The following OR1J2 variants were observed in gnomAD, a reference collection of about 807,000 sequenced individuals.
OR1J2 encodes olfactory receptor family 1 subfamily J member 2.
For synonymous variants in OR1J2, 142 were observed against 99.7 expected, an observed-to-expected ratio of 1.42 and a Z score of -2.52; for missense variants, 304 against 246.1, an observed-to-expected ratio of 1.24 and a Z score of -1.57.
chr9:122,547,692 C>T, the OR1J2 span, among the ~76,000 whole-genome samples: 1 of 150,134 alleles, frequency 6.7e-6, no homozygotes, highest in African/African-American at 2.5e-5. Context: ...TCCAGTCATT[C>T]GTTGATGAAC....
chr9:122,481,616 T>A, the OR1J2 span, among the ~76,000 whole-genome samples: 2 of 152,188 alleles, frequency 1.3e-5, no homozygotes, highest in South Asian at 4.1e-4. Flanking sequence ...AGGGGTCCAC[T>A]TTCAAAGTGA....
the OR1J2 span, among the ~76,000 whole-genome samples, chr9:122,555,654 G>A: frequency 2.0e-5 from 3 of 152,294 alleles, no homozygotes; most frequent in Admixed American, 2.0e-4. Context: ...GTAGAGGGTA[G>A]CAAGTTTGAA....
chr9:122,528,568 A>G, the OR1J2 span, among the ~76,000 whole-genome samples: 28 of 152,358 alleles, frequency 1.8e-4, no homozygotes, highest in African/African-American at 5.3e-4. Context: ...ATTGCACTCC[A>G]GCCTGGGCAA....
At chr9:122,477,220 T>C in the OR1J2 span, 2 of 1,614,126 alleles carry the variant, frequency 1.2e-6, no homozygotes, top group Non-Finnish European at 1.7e-6. Context: ...GGACAAGGCT[T>C]TGCATATGCC....
At chr9:122,474,776 A>C in the OR1J2 span, among the ~76,000 whole-genome samples, 3 of 152,224 alleles carry the variant, frequency 2.0e-5, no homozygotes, top group Non-Finnish European at 4.4e-5. Context: ...TTATCACTAG[A>C]CATTCTTCAG....
At chr9:122,557,725 A>G in the OR1J2 span, among the ~76,000 whole-genome samples, 3 of 152,074 alleles carry the variant, frequency 2.0e-5, no homozygotes, top group South Asian at 4.1e-4. Flanking sequence ...GCCTCATAGA[A>G]TGAGCTAAAA....
At chr9:122,477,185 C>T in the OR1J2 span, 3 of 1,614,142 alleles carry the variant, frequency 1.9e-6, no homozygotes, top group East Asian at 2.2e-5. Flanking sequence ...TAGATAGTCA[C>T]CACTGAGAGG....
the OR1J2 span, among the ~76,000 whole-genome samples, chr9:122,551,784 TA>T: frequency 0.012 from 1,829 of 152,236 alleles, 11 homozygotes; most frequent in Non-Finnish European, 0.019. Flanking sequence ...GATGGTGTTC[TA>T]GGAGCCTTTA....
chr9:122,533,921 G>C, the OR1J2 span, among the ~76,000 whole-genome samples: 10,142 of 152,254 alleles, frequency 0.067, 446 homozygotes, highest in South Asian at 0.22. Flanking sequence ...GAGAAGATCT[G>C]GGAAGGAGTC....
the OR1J2 span, among the ~76,000 whole-genome samples, chr9:122,525,590 T>G: frequency 6.6e-6 from 1 of 152,186 alleles, no homozygotes; most frequent in Admixed American, 6.5e-5. Flanking sequence ...GACGCAAACC[T>G]GCAGTCAAAT....
chr9:122,515,770 C>A (rs1828692071), downstream of OR1J2, among the ~76,000 whole-genome samples: 1 of 152,138 alleles, frequency 6.6e-6, no homozygotes, highest in South Asian at 2.1e-4. Flanking sequence ...GTCCTTTCTT[C>A]TTTTGTGTAG....
chr9:122,491,538 TA>T, the OR1J2 span, among the ~76,000 whole-genome samples: 3 of 151,780 alleles, frequency 2.0e-5, no homozygotes, highest in African/African-American at 7.3e-5. Flanking sequence ...AGCAGAGAAA[TA>T]AAGCCCCCAA....
At chr9:122,527,167 T>A in the OR1J2 span, 4 of 1,614,152 alleles carry the variant, frequency 2.5e-6, no homozygotes, top group Non-Finnish European at 3.4e-6. Flanking sequence ...GCCAGGATGA[T>A]GAGCAGGTTC....
the OR1J2 span, among the ~76,000 whole-genome samples, chr9:122,447,959 G>A: frequency 6.6e-6 from 1 of 152,150 alleles, no homozygotes; most frequent in African/African-American, 2.4e-5. Context: ...ACACCTGTGG[G>A]TATTTCTTGT....
upstream of OR1J2, among the ~76,000 whole-genome samples, chr9:122,508,743 G>A (rs7873246): frequency 0.84 from 127,243 of 152,158 alleles, 53,516 homozygotes; most frequent in African/African-American, 0.91. Context: ...AGTCTTTCCA[G>A]TGCTGATGTA....
chr9:122,541,643 A>G, the OR1J2 span, among the ~76,000 whole-genome samples: 1 of 152,222 alleles, frequency 6.6e-6, no homozygotes, highest in Non-Finnish European at 1.5e-5. Context: ...TTAAGCTGCC[A>G]AGCCTCCACC....
At chr9:122,543,152 T>C in the OR1J2 span, among the ~76,000 whole-genome samples, 6 of 152,234 alleles carry the variant, frequency 3.9e-5, no homozygotes, top group African/African-American at 1.4e-4. Flanking sequence ...TCCAAAGCAG[T>C]TGTGCCACTT....
At chr9:122,533,158 A>G in the OR1J2 span, among the ~76,000 whole-genome samples, 8 of 152,202 alleles carry the variant, frequency 5.3e-5, 1 homozygote, top group Admixed American at 2.6e-4. Context: ...AGAGGGAGGT[A>G]TTGAGGATAG....
chr9:122,490,109 A>G, the OR1J2 span, among the ~76,000 whole-genome samples: 1 of 152,168 alleles, frequency 6.6e-6, no homozygotes, highest in Admixed American at 6.5e-5. Flanking sequence ...CTTTTTCTAC[A>G]TGTAAGCTTA....
Sources: gnomAD v4.1 joint callset for allele counts (sites outside exome capture counted in the v4.1 genomes callset) on GRCh38, gnomAD v4.1.1 for gene constraint, MANE v1.5 for transcripts, NCBI Gene and HGNC (gene_info 2026-07-23, HGNC 2026-07-21) for gene names.